The following ARHGAP15 variants were observed in gnomAD, a reference collection of about 807,000 sequenced individuals.
ARHGAP15 encodes the protein rho GTPase-activating protein 15.
A neutral mutation model predicts 63.7 loss-of-function variants in ARHGAP15; 51 were observed. The observed-to-expected ratio is 0.80, with a 90% CI of 0.64 to 1.01. The LOEUF is 1.01. ARHGAP15 is among the 50% of genes least tolerant of loss of function. The probability of loss-of-function intolerance (pLI) is 0.00; values close to 1 mark genes in which losing one functional copy is unlikely to be tolerated. For synonymous variants in ARHGAP15, 191 were observed against 193.8 expected (o/e 0.99, Z 0.12); for missense variants, 560 against 564.6 (o/e 0.99, Z 0.08).
chr2:143,145,448 G>C (rs1024576440), intron 1 of ARHGAP15, among the ~76,000 whole-genome samples: 1 of 151,928 alleles, frequency 6.6e-6, no homozygotes. Flanking sequence ...CCTTTCTATT[G>C]CCAATCTCCT....
intron 13 of ARHGAP15, chr2:143,703,760 T>G (rs1381724784): frequency 2.7e-6 from 1 of 370,512 alleles, no homozygotes; most frequent in East Asian, 5.1e-5. Context: ...TAGTATATGT[T>G]TGCTGATTGC....
intron 12 of ARHGAP15, among the ~76,000 whole-genome samples, chr2:143,686,440 A>T (rs1386911299): frequency 6.6e-6 from 1 of 150,486 alleles, no homozygotes; most frequent in African/African-American, 2.4e-5. Flanking sequence ...ACTACTCTCA[A>T]TATAGCAATC....
intron 2 of ARHGAP15, among the ~76,000 whole-genome samples, chr2:143,182,322 G>GT (rs1691271101): frequency 6.6e-6 from 1 of 152,098 alleles, no homozygotes; most frequent in Non-Finnish European, 1.5e-5. Flanking sequence ...TAATACTGTG[G>GT]TATCTCAGAG....
intron 6 of ARHGAP15, among the ~76,000 whole-genome samples, chr2:143,406,748 T>A (rs1688215181): frequency 1.3e-5 from 2 of 151,944 alleles, no homozygotes; most frequent in South Asian, 4.1e-4. Flanking sequence ...ATTCTCAGTG[T>A]CTTAGCACAA....
At chr2:143,748,858 C>T (rs1269483491) in intron 13 of ARHGAP15, among the ~76,000 whole-genome samples, 1 of 152,182 alleles carries the variant, frequency 6.6e-6, no homozygotes, top group Non-Finnish European at 1.5e-5. Context: ...AACAATGTAT[C>T]TGACTGGCAT....
chr2:143,200,836 T>G (rs775265017), intron 2 of ARHGAP15, among the ~76,000 whole-genome samples: 6 of 152,074 alleles, frequency 3.9e-5, no homozygotes, highest in Admixed American at 3.9e-4. Flanking sequence ...GACAAGAGAC[T>G]TAATAGAATG....
chr2:143,207,101 A>G (rs928671657), intron 3 of ARHGAP15, among the ~76,000 whole-genome samples: 1 of 151,856 alleles, frequency 6.6e-6, no homozygotes, highest in Non-Finnish European at 1.5e-5. Flanking sequence ...ATGCCACTAT[A>G]TCAAGCATAA....
At chr2:143,642,683 C>A (rs1680663531) in intron 12 of ARHGAP15, among the ~76,000 whole-genome samples, 1 of 152,050 alleles carries the variant, frequency 6.6e-6, no homozygotes, top group Admixed American at 6.6e-5. Context: ...TGTGATCTAG[C>A]AGCACAATGA....
chr2:143,201,587 G>A (rs75512961), intron 2 of ARHGAP15, among the ~76,000 whole-genome samples: 2,076 of 152,152 alleles, frequency 0.014, 42 homozygotes, highest in African/African-American at 0.048. Context: ...CAGAGCCTGG[G>A]AAGGATAGAG....
At chr2:143,200,834 A>G (rs1692083754) in intron 2 of ARHGAP15, among the ~76,000 whole-genome samples, 2 of 152,074 alleles carry the variant, frequency 1.3e-5, no homozygotes, top group Non-Finnish European at 2.9e-5. Flanking sequence ...AAGACAAGAG[A>G]CTTAATAGAA....
At chr2:143,288,214 T>A (rs188531956) in intron 6 of ARHGAP15, among the ~76,000 whole-genome samples, 1 of 152,266 alleles carries the variant, frequency 6.6e-6, no homozygotes, top group Non-Finnish European at 1.5e-5. Context: ...AGGGAGAGTG[T>A]CACTCATATG....
intron 6 of ARHGAP15, among the ~76,000 whole-genome samples, chr2:143,377,649 T>C (rs1047273711): frequency 6.6e-6 from 1 of 152,034 alleles, no homozygotes; most frequent in Non-Finnish European, 1.5e-5. Context: ...TTATAATAAA[T>C]GTAATACAAC....
chr2:143,661,121 A>T lies in ARHGAP15; in HGVS notation c.1138+36854A>T, dbSNP rs538917289. 4.6e-5 allele frequency among the ~76,000 whole-genome samples: 7 copies of T among 152,288 alleles called. No individual in the cohort carries two copies. In the South Asian group the frequency reaches 1.2e-3, roughly 27 times the overall value. On this transcript the variant is annotated intron_variant, in intron 12 of 13. Coordinates refer to ENST00000295095, the MANE Select transcript of ARHGAP15 (RefSeq NM_018460.4). ...ATCTCTCTGACATTCTTCCATTCTC[A>T]TGTCTCTCACTGACCACAACAAGGA... is the stretch of plus-strand genomic sequence containing the variant.
chr2:143,274,904 C>CA (rs1681469094), intron 6 of ARHGAP15, among the ~76,000 whole-genome samples: 1 of 151,760 alleles, frequency 6.6e-6, no homozygotes, highest in African/African-American at 2.4e-5. Context: ...CACCTACAAA[C>CA]AAAACCAGCA....
intron 12 of ARHGAP15, among the ~76,000 whole-genome samples, chr2:143,631,073 TG>T (rs1380617084): frequency 6.6e-6 from 1 of 152,132 alleles, no homozygotes; most frequent in Non-Finnish European, 1.5e-5. Context: ...TTTATATAAA[TG>T]GAATCATACA....
chr2:143,238,030 G>C (rs1210543948), intron 5 of ARHGAP15: 1 of 151,996 alleles, frequency 6.6e-6, no homozygotes, highest in African/African-American at 2.4e-5. Flanking sequence ...AAGGGGTCCA[G>C]TTTCAATTTT....
intron 13 of ARHGAP15, among the ~76,000 whole-genome samples, chr2:143,722,320 A>G (rs1211597698): frequency 6.6e-6 from 1 of 152,140 alleles, no homozygotes; most frequent in Non-Finnish European, 1.5e-5. Flanking sequence ...TTATCCTAAT[A>G]TATACCTCAT....
chr2:143,266,812 G>A (rs1442349554), intron 6 of ARHGAP15, among the ~76,000 whole-genome samples: 2 of 151,978 alleles, frequency 1.3e-5, no homozygotes, highest in Admixed American at 6.6e-5. Context: ...ATACTAACAG[G>A]ACAATACAAA....
chr2:143,391,480 C>A (rs1271303592), intron 6 of ARHGAP15, among the ~76,000 whole-genome samples: 1 of 152,106 alleles, frequency 6.6e-6, no homozygotes, highest in East Asian at 1.9e-4. Flanking sequence ...CAGCACAATA[C>A]AAGTTTTTAT....
Sources: allele counts gnomAD v4.1 joint callset (sites outside exome capture counted in the v4.1 genomes callset), GRCh38; gene constraint gnomAD v4.1.1; transcripts MANE v1.5; gene names NCBI Gene and HGNC (gene_info 2026-07-23, HGNC 2026-07-21).